DIPK1A: variants seen among roughly 807,000 people sequenced by gnomAD.
DIPK1A encodes family with sequence similarity 69 member A.
Under a neutral mutation model 40.8 loss-of-function variants are expected in DIPK1A, and 27 were observed. The ratio of observed to expected loss-of-function variants is 0.66; its 90% CI spans 0.49 to 0.91. The LOEUF is 0.91. DIPK1A is among the 40% of genes least tolerant of loss of function. The probability of loss-of-function intolerance (pLI) is 0.00; values close to 1 mark genes in which losing one functional copy is unlikely to be tolerated. For synonymous variants in DIPK1A, 166 were observed against 171.3 expected (o/e 0.97, Z 0.24); for missense variants, 412 against 505.7 (o/e 0.81, Z 1.78).
chr1:92,870,386 C>T (rs140450927), intron 2 of DIPK1A, among the ~76,000 whole-genome samples: 2,240 of 152,182 alleles, frequency 0.015, 21 homozygotes, highest in Admixed American at 0.033. Flanking sequence ...CCACCATGCC[C>T]GGCTAATTTT....
At chr1:92,912,174 A>C (rs1395697105) in intron 1 of DIPK1A, among the ~76,000 whole-genome samples, 1 of 152,100 alleles carries the variant, frequency 6.6e-6, no homozygotes, top group Admixed American at 6.6e-5. Flanking sequence ...AATTTGTTTT[A>C]ATCACAACAC....
chr1:92,838,576 G>T (rs1336519919), downstream of DIPK1A, among the ~76,000 whole-genome samples: 1 of 152,118 alleles, frequency 6.6e-6, no homozygotes, highest in Non-Finnish European at 1.5e-5. Flanking sequence ...TATTTTTCTA[G>T]CTGGCTCATT....
intron 2 of DIPK1A, among the ~76,000 whole-genome samples, chr1:92,865,598 A>G (rs1008370370): frequency 1.1e-4 from 16 of 152,222 alleles, no homozygotes; most frequent in African/African-American, 3.9e-4. Flanking sequence ...TTAAAAGCCT[A>G]TTATCCATCT....
intron 1 of DIPK1A, among the ~76,000 whole-genome samples, chr1:92,907,383 G>T (rs1461499215): frequency 6.6e-6 from 1 of 151,898 alleles, no homozygotes; most frequent in African/African-American, 2.4e-5. Context: ...GACTGGGAAG[G>T]GTCACAAGAG....
intron 4 of DIPK1A, chr1:92,834,989 T>G: frequency 1.3e-6 from 2 of 1,586,424 alleles, no homozygotes; most frequent in Non-Finnish European, 1.7e-6. Context: ...TGTTTGTACA[T>G]GGATAAGATA....
intron 2 of DIPK1A, 123 bp downstream of exon 2, chr1:92,876,173 G>A: frequency 1.6e-6 from 1 of 631,622 alleles, no homozygotes; most frequent in Non-Finnish European, 2.4e-6. Flanking sequence ...AAGCTAAGAA[G>A]ATTAGCACAA....
At chr1:92,883,000 A>G (rs2100787644) in intron 1 of DIPK1A, among the ~76,000 whole-genome samples, 1 of 152,366 alleles carries the variant, frequency 6.6e-6, no homozygotes, top group East Asian at 1.9e-4. Context: ...GATTTTACAC[A>G]GGAAGTGTCA....
At chr1:92,941,796 C>A (rs932543467) in intron 1 of DIPK1A, among the ~76,000 whole-genome samples, 9 of 152,140 alleles carry the variant, frequency 5.9e-5, no homozygotes, top group African/African-American at 2.2e-4. Context: ...ATTCCCTTAA[C>A]TATCCACACT....
intron 2 of DIPK1A, among the ~76,000 whole-genome samples, chr1:92,861,316 TCTC>T (rs1264948174): frequency 5.8e-5 from 6 of 102,908 alleles, no homozygotes; most frequent in African/African-American, 2.1e-4. Context: ...CTATTCTCTC[TCTC>T]TCTTTTTTTT....
intron 1 of DIPK1A, among the ~76,000 whole-genome samples, chr1:92,897,611 CA>C (rs1430020661): frequency 1.3e-5 from 2 of 152,072 alleles, no homozygotes; most frequent in Non-Finnish European, 2.9e-5. Flanking sequence ...ACATATGTAA[CA>C]AACCTGCACG....
chr1:92,939,206 AT>A (rs1651060122), intron 1 of DIPK1A, among the ~76,000 whole-genome samples: 1 of 152,056 alleles, frequency 6.6e-6, no homozygotes, highest in Non-Finnish European at 1.5e-5. Flanking sequence ...CTGGCCTTCC[AT>A]TTTTCTTTAA....
Position 92,944,266 on chromosome 1 carries a change from AG to A in DIPK1A, c.54+17109del, listed in dbSNP as rs538333319. 4.6e-5 allele frequency among the ~76,000 whole-genome samples: 7 copies of A among 152,288 alleles called. No homozygotes were observed. The South Asian group carries it at 1.5e-3, about 32-fold the overall frequency. ...CCATTTGACTAGGAAGAGCTCTAGA[AG>A]GAAGAAACAGAGGAAAAAGAAGGGA... On this transcript the variant is annotated intron_variant, in intron 1 of 4. Coordinates refer to ENST00000370310, the MANE Select transcript of DIPK1A (RefSeq NM_001006605.5).
At chr1:92,907,301 A>G (rs1186952804) in intron 1 of DIPK1A, among the ~76,000 whole-genome samples, 1 of 152,192 alleles carries the variant, frequency 6.6e-6, no homozygotes, top group Non-Finnish European at 1.5e-5. Context: ...TTTATTCTGC[A>G]GTATTGTCTT....
intron 1 of DIPK1A, among the ~76,000 whole-genome samples, chr1:92,893,020 A>C (rs910405602): frequency 2.0e-5 from 3 of 152,088 alleles, no homozygotes; most frequent in Non-Finnish European, 2.9e-5. Flanking sequence ...CCAAATCTAC[A>C]TCTGATTGGT....
chr1:92,856,457 G>T (rs369770073), intron 2 of DIPK1A, among the ~76,000 whole-genome samples: 8 of 152,064 alleles, frequency 5.3e-5, no homozygotes, highest in South Asian at 2.1e-4. Context: ...TCCTCTTGTT[G>T]CCCAGGCTGG....
At chr1:92,835,096 GAC>G (rs1687065563) in intron 4 of DIPK1A, 2 of 810,000 alleles carry the variant, frequency 2.5e-6, no homozygotes, top group South Asian at 3.2e-5. Context: ...TTTCTGCAAT[GAC>G]ACAAATCTGT....
intron 2 of DIPK1A, among the ~76,000 whole-genome samples, chr1:92,872,220 C>T (rs1028627303): frequency 6.6e-6 from 1 of 151,714 alleles, no homozygotes; most frequent in African/African-American, 2.4e-5. Flanking sequence ...GCTGGAATTA[C>T]AGATGTGTGC....
intron 1 of DIPK1A, among the ~76,000 whole-genome samples, chr1:92,956,612 T>A (rs116308724): frequency 3.0e-4 from 46 of 152,312 alleles, no homozygotes; most frequent in African/African-American, 1.1e-3. Context: ...TTTGGCAACA[T>A]TACTACTATT....
chr1:92,841,622 T>A, downstream of DIPK1A: 1 of 489,060 alleles, frequency 2.0e-6, no homozygotes, highest in Non-Finnish European at 3.4e-6. Flanking sequence ...CATAAGTAAA[T>A]GTATTTGAAC....
Sources: gnomAD v4.1 joint callset for allele counts (sites outside exome capture counted in the v4.1 genomes callset) on GRCh38, gnomAD v4.1.1 for gene constraint, MANE v1.5 for transcripts, NCBI Gene and HGNC (gene_info 2026-07-23, HGNC 2026-07-21) for gene names.